The following AGBL1 variants were observed in gnomAD, a reference collection of about 807,000 sequenced individuals.
The protein encoded by AGBL1 is cytosolic carboxypeptidase 4.
A neutral mutation model predicts 118.9 loss-of-function variants in AGBL1; 130 were observed. The ratio of observed to expected loss-of-function variants is 1.09; its 90% CI spans 0.95 to 1.26. AGBL1 has a LOEUF of 1.26. AGBL1 is among the 50% of genes most tolerant of loss of function. The probability of loss-of-function intolerance (pLI) is 0.00; values close to 1 mark genes in which losing one functional copy is unlikely to be tolerated. For synonymous variants in AGBL1, 555 were observed against 478.9 expected, an observed-to-expected ratio of 1.16 and a Z score of -2.08; for missense variants, 1,584 against 1,298.1, an observed-to-expected ratio of 1.22 and a Z score of -3.38.
chr15:86,850,573 T>G lies in AGBL1; in HGVS notation c.3159-56514T>G, dbSNP rs78089623. ...ATTCTTTCTGCATCAAAACCCATCT[T>G]CCTCCCACCCTCATTTCCTCTGGGC... On this transcript the variant is annotated intron_variant, in intron 22 of 22. Transcript: ENST00000614907. Among the ~76,000 whole-genome samples, 1,157 of 152,252 alleles carry G rather than the reference T, an allele frequency of 7.6e-3. 11 individuals are homozygous for G. Among genetic ancestry groups the G allele is most frequent in the African/African-American group, 0.017 (727 of 41,544 alleles).
intron 18 of AGBL1, among the ~76,000 whole-genome samples, chr15:86,464,973 T>A (rs1277712844): frequency 1.3e-5 from 2 of 152,064 alleles, no homozygotes; most frequent in Non-Finnish European, 2.9e-5. Context: ...GGGGAGGTTC[T>A]CCTGGATAAT....
chr15:86,919,573 GACACACACACACACAC>G (rs376501612), downstream of AGBL1, among the ~76,000 whole-genome samples: 27 of 128,738 alleles, frequency 2.1e-4, no homozygotes, highest in Admixed American at 8.0e-5. Context: ...TCCCTGTTGA[GACACACACACACACAC>G]ACACACACAC....
Position 86,780,554 on chromosome 15 carries a change from G to A in AGBL1, c.3158+106118G>A, listed in dbSNP as rs1398515765. On this transcript the variant is annotated intron_variant, in intron 22 of 22. Transcript: ENST00000614907. ...ATCACCTTTATTGGAATCGCATTGA[G>A]TCAGTAGATCAATTTGGGGGAAGAT... Among the ~76,000 whole-genome samples, 4 of 152,014 alleles carry A rather than the reference G, an allele frequency of 2.6e-5. No individual in the cohort carries two copies. In the East Asian group the frequency reaches 5.8e-4, roughly 22 times the overall value.
intron 22 of AGBL1, among the ~76,000 whole-genome samples, chr15:86,841,905 C>A (rs535683584): frequency 6.6e-6 from 1 of 152,094 alleles, no homozygotes; most frequent in African/African-American, 2.4e-5. Context: ...AGCTCTACCA[C>A]TTATTAAATA....
At chr15:86,671,403 C>G (rs747246307) in intron 21 of AGBL1, among the ~76,000 whole-genome samples, 32 of 152,174 alleles carry the variant, frequency 2.1e-4, no homozygotes, top group Non-Finnish European at 4.1e-4. Context: ...GTTTAAGTCA[C>G]TATAATCAGA....
chr15:86,399,454 T>C (rs1363891668), intron 18 of AGBL1, among the ~76,000 whole-genome samples: 1 of 152,144 alleles, frequency 6.6e-6, no homozygotes, highest in Non-Finnish European at 1.5e-5. Context: ...TGAGGTCCAG[T>C]AGAGAATGGA....
chr15:86,793,787 GA>G (rs1223108931), intron 22 of AGBL1, among the ~76,000 whole-genome samples: 1 of 152,096 alleles, frequency 6.6e-6, no homozygotes, highest in Non-Finnish European at 1.5e-5. Context: ...TAAAAATTAC[GA>G]AAGTCTTGAG....
intron 22 of AGBL1, among the ~76,000 whole-genome samples, chr15:86,872,807 A>G (rs2079749044): frequency 6.6e-6 from 1 of 152,130 alleles, no homozygotes; most frequent in Non-Finnish European, 1.5e-5. Context: ...CAAATCCATA[A>G]TGATATGTTT....
At chr15:86,489,830 T>G (rs533032982) in intron 18 of AGBL1, among the ~76,000 whole-genome samples, 25 of 152,132 alleles carry the variant, frequency 1.6e-4, no homozygotes, top group Non-Finnish European at 2.9e-4. Context: ...CACATCTCAC[T>G]TTTTAGGATG....
intron 22 of AGBL1, among the ~76,000 whole-genome samples, chr15:86,804,127 C>G (rs879406664): frequency 2.6e-5 from 4 of 151,954 alleles, no homozygotes; most frequent in Non-Finnish European, 5.9e-5. Flanking sequence ...AAATTCCAGC[C>G]CTTTAGTATT....
At chr15:86,562,039 T>C (rs1290838013) in intron 21 of AGBL1, among the ~76,000 whole-genome samples, 1 of 152,224 alleles carries the variant, frequency 6.6e-6, no homozygotes, top group Non-Finnish European at 1.5e-5. Context: ...GCTTATCAGG[T>C]TAAGGAGATT....
chr15:86,501,398 G>T (rs538476449), intron 18 of AGBL1, among the ~76,000 whole-genome samples: 1 of 151,474 alleles, frequency 6.6e-6, no homozygotes, highest in Non-Finnish European at 1.5e-5. Flanking sequence ...ATTCTGTGGG[G>T]TGTCTTTTTC....
chr15:86,319,409 T>C (rs2080068713), intron 17 of AGBL1, among the ~76,000 whole-genome samples: 1 of 152,182 alleles, frequency 6.6e-6, no homozygotes, highest in Admixed American at 6.5e-5. Flanking sequence ...ATAAATAAGG[T>C]TGAACATTTT....
At chr15:86,197,045 C>CTGTTGCTT (rs1260661965) in intron 5 of AGBL1, among the ~76,000 whole-genome samples, 1 of 152,144 alleles carries the variant, frequency 6.6e-6, no homozygotes, top group Non-Finnish European at 1.5e-5. Context: ...AAACACATTT[C>CTGTTGCTT]TGTTGCTTAA....
chr15:86,705,284 C>G (rs1209480899), intron 22 of AGBL1, among the ~76,000 whole-genome samples: 1 of 152,108 alleles, frequency 6.6e-6, no homozygotes, highest in Non-Finnish European at 1.5e-5. Flanking sequence ...GCTCAAGTAT[C>G]CCAGAACTGA....
chr15:86,461,630 A>G (rs1157791360), intron 18 of AGBL1, among the ~76,000 whole-genome samples: 1 of 152,208 alleles, frequency 6.6e-6, no homozygotes, highest in East Asian at 1.9e-4. Context: ...GTAATTTTCA[A>G]ACTATTATTT....
In AGBL1 at chr15:86,329,704, A is replaced by G. The variant is rs141083329; in HGVS notation, c.2374+34296A>G. ...AGGCACCCAAAGCACCTCATTACAC[A>G]GATTGGCAGCCTGAGCTGCCAAACT... On this transcript the variant is annotated intron_variant, in intron 17 of 22. Transcript: ENST00000614907. Among the ~76,000 whole-genome samples, 157 of 151,552 alleles carry G rather than the reference A, an allele frequency of 1.0e-3. 1 individual carries two copies. The highest frequency in any genetic ancestry group is 3.7e-3 in the African/African-American group (153 of 41,288).
chr15:86,747,040 A>G (rs958715245), intron 22 of AGBL1, among the ~76,000 whole-genome samples: 11 of 152,030 alleles, frequency 7.2e-5, no homozygotes, highest in Non-Finnish European at 1.6e-4. Flanking sequence ...CTGGAAGTGA[A>G]TAGGGATGAT....
chr15:86,971,899 A>T (rs114412811), intron 23 of AGBL1, among the ~76,000 whole-genome samples: 4 of 151,694 alleles, frequency 2.6e-5, no homozygotes, highest in African/African-American at 9.7e-5. Flanking sequence ...TTCTCAGGAG[A>T]TCTAATGGTT....
Sources: allele counts gnomAD v4.1 joint callset (sites outside exome capture counted in the v4.1 genomes callset), GRCh38; gene constraint gnomAD v4.1.1; transcripts MANE v1.5; gene names NCBI Gene and HGNC (gene_info 2026-07-23, HGNC 2026-07-21).